The following MPRIP variants were observed in gnomAD, a reference collection of about 807,000 sequenced individuals.
MPRIP encodes the protein myosin phosphatase Rho interacting protein.
A neutral mutation model predicts 234.9 loss-of-function variants in MPRIP; 59 were observed. The ratio of observed to expected loss-of-function variants is 0.25; its 90% CI spans 0.20 to 0.31. The LOEUF (loss-of-function observed/expected upper bound fraction) is 0.31. Ranked by LOEUF, MPRIP falls within the 10% of genes least tolerant of loss-of-function variation. The pLI, the probability that MPRIP is intolerant of heterozygous loss-of-function variation, is 1.00. For missense variants in MPRIP, 2,436 were observed against 3,071.0 expected (o/e 0.79, Z 4.89); for synonymous variants, 1,144 against 1,263.9 (o/e 0.91, Z 2.01).
Position 17,164,850 on chromosome 17 carries a change from G to A in MPRIP, c.3259G>A (p.Glu1087Lys), listed in dbSNP as rs2045948012. ...GGTGCACCAGCTGGAGGAGCAGCTG[G>A]AGGCACGAGAGGCCAGCGTGCGCAG... is the stretch of plus-strand genomic sequence containing the variant. ...EQVHQLEEQLEAREASVRRLA... is the reference protein window; with the variant it reads ...EQVHQLEEQLKAREASVRRLA... The change falls in exon 16 of 24, where the codon GAG becomes AAG. Residue 1087 changes from glutamate to lysine, a missense_variant. Physicochemically the swap from Glu to Lys is moderately conservative, Grantham distance 56. Transcript: ENST00000651222. 7.7e-7 allele frequency: 1 copy of A among 1,303,964 alleles called. No homozygotes were observed. The highest frequency in any genetic ancestry group is 1.2e-5 in the South Asian group (1 of 81,010). 80.8% of individuals were successfully genotyped at this position (1,303,964 alleles called of 1,614,324 possible). A position where few individuals can be genotyped will look rare whatever the true frequency, so the allele number is the denominator to read the frequency against.
chr17:17,085,137 A>T (rs1037698598), intron 3 of MPRIP, among the ~76,000 whole-genome samples: 2 of 152,172 alleles, frequency 1.3e-5, no homozygotes, highest in African/African-American at 4.8e-5. Flanking sequence ...GTGGAGCCCA[A>T]GTACCTTAGG....
intron 11 of MPRIP, among the ~76,000 whole-genome samples, chr17:17,148,551 A>T (rs1027273393): frequency 2.6e-5 from 4 of 152,290 alleles, no homozygotes; most frequent in Middle Eastern, 3.4e-3. Flanking sequence ...AGAGCAGCAG[A>T]AGTTACTAAT....
At chr17:17,168,636 G>A in intron 16 of MPRIP, 3 of 352,238 alleles carry the variant, frequency 8.5e-6, no homozygotes, top group Non-Finnish European at 1.1e-5. Flanking sequence ...CAGCTGTCTG[G>A]CCCCACCCTT....
chr17:17,172,582 C>G (rs2046163775), intron 17 of MPRIP, 116 bp from the exon 18 acceptor site: 1 of 737,024 alleles, frequency 1.4e-6, no homozygotes, highest in African/African-American at 1.8e-5. Context: ...TGCTGATTGA[C>G]TAAGCAAGCA....
In MPRIP at chr17:17,185,835, G is replaced by A; in HGVS notation, c.*941G>A. On this transcript the variant is annotated 3_prime_UTR_variant, in exon 24 of 24. Transcript: ENST00000651222. ...AGACCCCTGTTAAGTCAAGAAGAAA[G>A]TACAGAGGATGTCAGAATCTGATGA... The A allele has an allele frequency of 3.3e-6, 1 of 299,250 alleles. No individual in the cohort carries two copies. The highest frequency in any genetic ancestry group is 9.4e-5 in the East Asian group (1 of 10,654). 18.5% of individuals were successfully genotyped at this position (299,250 alleles called of 1,614,324 possible). A position where few individuals can be genotyped will look rare whatever the true frequency, so the allele number is the denominator to read the frequency against.
intron 3 of MPRIP, among the ~76,000 whole-genome samples, chr17:17,094,455 T>G (rs926077259): frequency 3.3e-5 from 5 of 152,188 alleles, no homozygotes; most frequent in African/African-American, 4.8e-5. Context: ...TTCTAAAATT[T>G]CATGAAGATA....
At chr17:17,092,142 C>A (rs1281932728) in intron 3 of MPRIP, among the ~76,000 whole-genome samples, 1 of 152,248 alleles carries the variant, frequency 6.6e-6, no homozygotes, top group East Asian at 1.9e-4. Flanking sequence ...ACCATATTCC[C>A]CATGGCATCC....
chr17:17,089,134 G>A (rs751620149), intron 3 of MPRIP, among the ~76,000 whole-genome samples: 3 of 152,246 alleles, frequency 2.0e-5, no homozygotes, highest in Non-Finnish European at 4.4e-5. Flanking sequence ...CATGGCAGGT[G>A]TGTTTGTTTC....
Position 17,176,534 on chromosome 17 carries a change from A to G in MPRIP, c.6957+22A>G, listed in dbSNP as rs748713202. On this transcript the variant is annotated intron_variant, in intron 21 of 23. Transcript: ENST00000651222. Reference sequence around the variant, plus strand: ...GCGGGTAAGGCCACCGCACCACAGGAGGGCGGGTACGGGAACAGGCTCTAG... The same window carrying G: ...GCGGGTAAGGCCACCGCACCACAGGGGGGCGGGTACGGGAACAGGCTCTAG... The G allele has an allele frequency of 3.1e-6, 5 of 1,598,494 alleles. No individual in the cohort carries two copies. The South Asian group carries it at 5.5e-5, about 18-fold the overall frequency.
At chr17:17,084,412 C>T (rs751135551) in intron 3 of MPRIP, among the ~76,000 whole-genome samples, 33 of 152,330 alleles carry the variant, frequency 2.2e-4, no homozygotes, top group African/African-American at 3.4e-4. Context: ...TGTGCCCGGC[C>T]GGGGCTCCTT....
chr17:17,146,218 A>G, intron 10 of MPRIP, 126 bp downstream of exon 10: 1 of 828,840 alleles, frequency 1.2e-6, no homozygotes, highest in Non-Finnish European at 2.0e-6. Flanking sequence ...CCTTGTCTTC[A>G]TGACCAGGGC....
At chr17:17,164,055 T>C in intron 15 of MPRIP, 54 bp from the exon 16 acceptor site, 1 of 1,245,038 alleles carries the variant, frequency 8.0e-7, no homozygotes, top group South Asian at 1.3e-5. Flanking sequence ...GGTGTGACAC[T>C]CAGAACTGGG....
chr17:17,107,141 C>T (rs910019880), intron 3 of MPRIP, among the ~76,000 whole-genome samples: 2 of 152,242 alleles, frequency 1.3e-5, no homozygotes, highest in African/African-American at 4.8e-5. Context: ...TGGAGGGTGT[C>T]GGGATTTAAT....
intron 1 of MPRIP, among the ~76,000 whole-genome samples, chr17:17,069,820 C>G (rs1380736846): frequency 6.6e-6 from 1 of 151,930 alleles, no homozygotes; most frequent in Non-Finnish European, 1.5e-5. Context: ...AATTATTTAC[C>G]CCCTCCCTCC....
chr17:17,147,326 A>G lies in MPRIP; in HGVS notation c.1568A>G (p.Lys523Arg). 3.1e-6 allele frequency: 5 copies of G among 1,614,074 alleles called. No individual in the cohort carries two copies. Among genetic ancestry groups the G allele is most frequent in the Non-Finnish European group, 4.2e-6 (5 of 1,179,968 alleles). ...TCTTTTCTTCCCCTTTAGTGGAAGA[A>G]ACACTGGTTTGTCCTCGCCGATCAA... ...TKQYEDGQWK[K>R]HWFVLADQSL... The change falls in exon 11 of 24, where the codon AAA (lysine) becomes AGA (arginine). Residue 523 changes from lysine (K) to arginine (R), a missense_variant. Physicochemically the swap from Lys to Arg is conservative, Grantham distance 26. Around this residue, in one of 4 missense-constraint regions of MPRIP, gnomAD observed 1,998 missense variants for 2,520.3 expected, o/e 0.79. Transcript: ENST00000651222.
intron 19 of MPRIP, 104 bp downstream of exon 19, chr17:17,174,179 C>A: frequency 7.3e-7 from 1 of 1,368,538 alleles, no homozygotes; most frequent in East Asian, 2.5e-5. Flanking sequence ...AGGCCTCACC[C>A]TCAAAGTGGC....
chr17:17,060,419 G>T (rs1325931903), intron 1 of MPRIP, among the ~76,000 whole-genome samples: 2 of 152,224 alleles, frequency 1.3e-5, no homozygotes, highest in African/African-American at 4.8e-5. Flanking sequence ...TGCTAAACTG[G>T]GGAGGAGTGT....
intron 3 of MPRIP, among the ~76,000 whole-genome samples, chr17:17,093,881 A>G (rs1567710354): frequency 6.6e-6 from 1 of 152,206 alleles, no homozygotes; most frequent in East Asian, 1.9e-4. Context: ...GATAGGATTT[A>G]GCTCTTTCAT....
chr17:17,047,060 C>T (rs530454199), intron 1 of MPRIP, among the ~76,000 whole-genome samples: 15 of 152,250 alleles, frequency 9.9e-5, no homozygotes, highest in South Asian at 6.2e-4. Flanking sequence ...TGCCTGTAAT[C>T]CCAGCTACTC....
Sources: allele counts gnomAD v4.1 joint callset (sites outside exome capture counted in the v4.1 genomes callset), GRCh38; gene constraint gnomAD v4.1.1; regional missense constraint gnomAD v4.1.1; transcripts MANE v1.5; gene names NCBI Gene and HGNC (gene_info 2026-07-23, HGNC 2026-07-21).